ARMC2: variants seen among roughly 807,000 people sequenced by gnomAD.
ARMC2 encodes armadillo repeat-containing protein 2.
Under a neutral mutation model 90.3 loss-of-function variants are expected in ARMC2, and 67 were observed. That is an observed-to-expected ratio of 0.74 (90% CI 0.61 to 0.91). The LOEUF (loss-of-function observed/expected upper bound fraction) is 0.91, where lower values mean the gene tolerates loss of function less well. ARMC2 is among the 40% of genes least tolerant of loss of function. The pLI is 0.00. For missense variants in ARMC2, 920 were observed against 1,030.9 expected (o/e 0.89, Z 1.47); for synonymous variants, 393 against 393.0 (o/e 1.00, Z 0.00).
the ARMC2 span, chr6:108,998,503 T>C: frequency 2.5e-6 from 4 of 1,613,328 alleles, no homozygotes; most frequent in Admixed American, 1.7e-5. Flanking sequence ...TCATGACAAA[T>C]AATACTTACA....
intron 13 of ARMC2, among the ~76,000 whole-genome samples, chr6:108,955,857 C>T (rs1429037269): frequency 1.3e-5 from 2 of 152,232 alleles, no homozygotes; most frequent in Non-Finnish European, 2.9e-5. Flanking sequence ...CTGAGCAGGG[C>T]TTCTCAGCCC....
At chr6:108,968,247 G>A (rs938203287) in intron 17 of ARMC2, among the ~76,000 whole-genome samples, 3 of 152,102 alleles carry the variant, frequency 2.0e-5, no homozygotes, top group Non-Finnish European at 2.9e-5. Context: ...TGACAGATAC[G>A]GAAAGTAGGT....
chr6:108,909,464 A>C (rs561634939), intron 8 of ARMC2, among the ~76,000 whole-genome samples: 15 of 152,010 alleles, frequency 9.9e-5, no homozygotes, highest in African/African-American at 3.1e-4. Context: ...AAAAAAAAAA[A>C]CACTATATTT....
chr6:109,010,645 A>G, the ARMC2 span, among the ~76,000 whole-genome samples: 5 of 152,314 alleles, frequency 3.3e-5, no homozygotes, highest in African/African-American at 1.2e-4. Flanking sequence ...CTTTTTATTT[A>G]TCTCCTAATA....
Position 108,969,441 on chromosome 6 carries a change from C to T in ARMC2, c.2447-3916C>T, listed in dbSNP as rs149640878. ...TAGGGTCTTTTAATTCTTTCTAATA[C>T]TTTGCCCCAAATTTTAGTATTTGGA... On this transcript the variant is annotated intron_variant, in intron 17 of 17. Transcript: ENST00000392644. Among the ~76,000 whole-genome samples the T allele has an allele frequency of 7.1e-3, 1,083 of 152,250 alleles. 17 individuals carry two copies. The highest frequency in any genetic ancestry group is 0.025 in the African/African-American group (1,035 of 41,544).
intron 11 of ARMC2, among the ~76,000 whole-genome samples, chr6:108,929,296 G>C (rs1775345012): frequency 6.6e-6 from 1 of 152,130 alleles, no homozygotes; most frequent in Non-Finnish European, 1.5e-5. Context: ...GTGGATAGTT[G>C]ATTGTTCCAG....
At chr6:109,050,104 G>A in the ARMC2 span, among the ~76,000 whole-genome samples, 1 of 152,148 alleles carries the variant, frequency 6.6e-6, no homozygotes, top group Non-Finnish European at 1.5e-5. Flanking sequence ...TGGTGGATAG[G>A]CATCTGATTT....
intron 12 of ARMC2, among the ~76,000 whole-genome samples, chr6:108,939,411 T>C (rs937117910): frequency 6.6e-6 from 1 of 152,162 alleles, no homozygotes; most frequent in Non-Finnish European, 1.5e-5. Context: ...CCCCTGGTGC[T>C]GTTCTCGTGG....
At chr6:109,001,188 C>A in the ARMC2 span, 1 of 971,434 alleles carries the variant, frequency 1.0e-6, no homozygotes, top group South Asian at 1.7e-5. Flanking sequence ...TATTATATAT[C>A]ATAATCTAAG....
chr6:109,046,243 GCCGCCA>G, the ARMC2 span, among the ~76,000 whole-genome samples: 2 of 150,866 alleles, frequency 1.3e-5, no homozygotes, highest in Non-Finnish European at 3.0e-5. Context: ...GCAGGCACGC[GCCGCCA>G]CGCCTGACTG....
rs1777286988 is a variant in ARMC2, at chr6:108,952,889, AT to A, written c.1597-143del. On this transcript the variant is annotated intron_variant, in intron 12 of 17. Transcript: ENST00000392644. ...TTGTCACTTTGCACTGATCTTGAGA[AT>A]CAAATACTGTACAAGTGAGCCGAAG... 2.0e-5 allele frequency: 16 copies of A among 787,142 alleles called. No individual in the cohort carries two copies. In the Middle Eastern group the frequency reaches 7.0e-4, roughly 35 times the overall value. 48.8% of individuals were successfully genotyped at this position (787,142 alleles called of 1,614,324 possible). A position where few individuals can be genotyped will look rare whatever the true frequency, so the allele number is the denominator to read the frequency against.
At position 108,848,469 on chromosome 6, in the gene ARMC2, A is replaced by T. The variant is rs1489841477; in HGVS notation, c.-121A>T. On this transcript the variant is annotated 5_prime_UTR_variant, in exon 1 of 18. Transcript: ENST00000392644. ...GTTACCCCGCCCGCGCCAGCGCTGCATCCCTGGCCGCTACCCGGGGAGAGC... is the reference window on the plus strand; with the variant it reads ...GTTACCCCGCCCGCGCCAGCGCTGCTTCCCTGGCCGCTACCCGGGGAGAGC... 1 of 152,380 alleles carries T rather than the reference A, an allele frequency of 6.6e-6. No homozygotes were observed. The highest frequency in any genetic ancestry group is 2.4e-5 in the African/African-American group (1 of 41,464). The allele number at this position is 152,380 out of a possible 1,614,324, so 9.4% of individuals were successfully genotyped here.
At chr6:108,993,231 G>C in the ARMC2 span, among the ~76,000 whole-genome samples, 1 of 152,082 alleles carries the variant, frequency 6.6e-6, no homozygotes, top group African/African-American at 2.4e-5. Context: ...TAATTTTTAA[G>C]ATAACTACAA....
At chr6:108,928,348 C>A (rs577597460) in intron 11 of ARMC2, 115 bp downstream of exon 11, 3 of 1,129,384 alleles carry the variant, frequency 2.7e-6, no homozygotes, top group South Asian at 2.5e-5. Context: ...CTTTTTACTT[C>A]GCCTACCAGA....
chr6:108,930,648 G>A (rs911912558), intron 11 of ARMC2, among the ~76,000 whole-genome samples: 2 of 140,744 alleles, frequency 1.4e-5, no homozygotes, highest in African/African-American at 5.4e-5. Context: ...CCAGGCTGGA[G>A]TGCAGTGGGG....
rs1482208276 is a variant in ARMC2, at chr6:108,973,552, C to T, written c.*38C>T. 3 of 1,528,782 alleles carry T rather than the reference C, an allele frequency of 2.0e-6. No homozygotes were observed. In the Admixed American group the frequency reaches 5.9e-5, roughly 30 times the overall value. 94.7% of individuals were successfully genotyped at this position (1,528,782 alleles called of 1,614,324 possible). A position where few individuals can be genotyped will look rare whatever the true frequency, so the allele number is the denominator to read the frequency against. On this transcript the variant is annotated 3_prime_UTR_variant, in exon 18 of 18. Transcript: ENST00000392644. ...TAACAGTAGAAACGAGAACTCACGT[C>T]TCCCTCATTCTTAAGAACTGGTAAC...
chr6:108,931,946 G>A (rs1472766918), intron 11 of ARMC2, among the ~76,000 whole-genome samples: 1 of 151,690 alleles, frequency 6.6e-6, no homozygotes, highest in Admixed American at 6.6e-5. Flanking sequence ...TGTATTTTTA[G>A]TAGAGACGGG....
intron 5 of ARMC2, among the ~76,000 whole-genome samples, chr6:108,877,077 C>T (rs1777011792): frequency 6.6e-6 from 1 of 152,180 alleles, no homozygotes; most frequent in African/African-American, 2.4e-5. Flanking sequence ...TTTCCAGTCC[C>T]AGCCAGTAAT....
At chr6:108,982,258 G>A in the ARMC2 span, among the ~76,000 whole-genome samples, 1 of 152,200 alleles carries the variant, frequency 6.6e-6, no homozygotes, top group Non-Finnish European at 1.5e-5. Context: ...GAAGTCCAAA[G>A]TCAAGGTGCT....
Sources: allele counts gnomAD v4.1 joint callset (sites outside exome capture counted in the v4.1 genomes callset), GRCh38; gene constraint gnomAD v4.1.1; transcripts MANE v1.5; gene names NCBI Gene and HGNC (gene_info 2026-07-23, HGNC 2026-07-21).